Variants in ILK observed in about 807,000 individuals in gnomAD.
ILK encodes the protein scaffold protein ILK.
ILK carries 37 observed loss-of-function variants against 57.8 expected under a neutral mutation model. The ratio of observed to expected loss-of-function variants is 0.64; its 90% CI spans 0.49 to 0.84. The LOEUF (loss-of-function observed/expected upper bound fraction) is 0.84, where lower values mean the gene tolerates loss of function less well. Ranked by LOEUF, ILK falls within the 40% of genes least tolerant of loss-of-function variation. ILK has a pLI of 0.00. For synonymous variants in ILK, 231 were observed against 202.2 expected, an observed-to-expected ratio of 1.14 and a Z score of -1.21; for missense variants, 528 against 595.7, an observed-to-expected ratio of 0.89 and a Z score of 1.18.
At chr11:6,605,016 G>C in intron 2 of ILK, 1 of 407,090 alleles carries the variant, frequency 2.5e-6, no homozygotes, top group South Asian at 1.8e-5. Flanking sequence ...GGTGTGGGGA[G>C]TGAGTAAGGG....
intron 11 of ILK, 26 bp from the exon 12 acceptor site, chr11:6,610,122 A>G: frequency 6.2e-7 from 1 of 1,614,232 alleles, no homozygotes. Flanking sequence ...CAAGGGGGCC[A>G]GAACAGACAA....
intron 2 of ILK, chr11:6,607,438 C>T (rs2134546613): frequency 6.4e-6 from 1 of 156,850 alleles, no homozygotes; most frequent in South Asian, 1.8e-4. Flanking sequence ...AAGCATTTCT[C>T]CTTTTCAACA....
chr11:6,604,025 T>C (rs1212343191), intron 1 of ILK, 155 bp from the exon 2 acceptor site: 3 of 593,504 alleles, frequency 5.1e-6, no homozygotes, highest in Non-Finnish European at 9.0e-6. Flanking sequence ...CACTACCTCT[T>C]CGTCACCCCC....
At chr11:6,610,068 A>T in intron 11 of ILK, 33 bp downstream of exon 11, 1 of 1,613,990 alleles carries the variant, frequency 6.2e-7, no homozygotes, top group Non-Finnish European at 8.5e-7. Flanking sequence ...GAGGTAAAAA[A>T]GGACCACCTC....
In ILK at chr11:6,609,540, G is replaced by C. The variant is rs1855289433; in HGVS notation, c.757G>C (p.Val253Leu). The C allele has an allele frequency of 1.9e-6, 3 of 1,613,976 alleles. No homozygotes were observed. Among genetic ancestry groups the C allele is most frequent in the Non-Finnish European group, 2.5e-6 (3 of 1,180,016 alleles). Reference sequence around the variant, plus strand: ...TTTCTCGCATCCAAATGTGCTCCCAGTGCTAGGTGCCTGCCAGTCTCCACC... The same window carrying C: ...TTTCTCGCATCCAAATGTGCTCCCACTGCTAGGTGCCTGCCAGTCTCCACC... ...RIFSHPNVLP[V>L]LGACQSPPAP... Residue 253 changes from valine (V) to leucine (L), a missense_variant, in exon 9 of 13, where the codon GTG becomes CTG. Physicochemically the swap from Val to Leu is conservative, Grantham distance 32. Coordinates refer to ENST00000299421, the MANE Select transcript of ILK (RefSeq NM_004517.4).
rs895366229 is a variant in ILK, at chr11:6,609,652, G to T, written c.856+13G>T. The T allele has an allele frequency of 1.2e-6, 2 of 1,614,210 alleles. No individual in the cohort carries two copies. Among genetic ancestry groups the T allele is most frequent in the Non-Finnish European group, 1.7e-6 (2 of 1,180,038 alleles). On this transcript the variant is annotated intron_variant, in intron 9 of 12. Coordinates refer to ENST00000299421, the MANE Select transcript of ILK (RefSeq NM_004517.4). The stretch of plus-strand genomic sequence containing the variant: ...CATGAAGGCACCAGTGAGTAGGGAT[G>T]TTGAATTTCCTTGGGGAGGAAATGG...
intron 6 of ILK, 51 bp downstream of exon 6, chr11:6,609,018 T>A (rs914503411): frequency 1.2e-6 from 2 of 1,612,320 alleles, no homozygotes; most frequent in African/African-American, 2.7e-5. Flanking sequence ...AATCCTGGCC[T>A]CTTGGGGCTG....
In ILK at chr11:6,610,266, G is replaced by A. The variant is rs1057522211; in HGVS notation, c.1197G>A (p.Glu399=). The change falls in exon 12 of 13, where the codon GAG becomes GAA. Residue 399 remains glutamate (E), a synonymous_variant. Coordinates refer to ENST00000299421, the MANE Select transcript of ILK (RefSeq NM_004517.4). ...CCTTTGCTGACCTCTCCAATATGGA[G>A]ATTGGAATGAAGGTGAGAGCACAAC... is the stretch of plus-strand genomic sequence containing the variant. ...EVPFADLSNM[E]IGMKVALEGL... 4 of 1,614,202 alleles carry A rather than the reference G, an allele frequency of 2.5e-6. No homozygotes were observed. The Admixed American group carries it at 6.7e-5, about 27-fold the overall frequency.
rs1392625092 is a variant in ILK, at chr11:6,608,591, T to C, written c.351+102T>C. The stretch of plus-strand genomic sequence containing the variant: ...AACCCATTCTGTCAGTACTACTGTG[T>C]GACACTTACAGGATTAAGTTCTACA... On this transcript the variant is annotated intron_variant, in intron 4 of 12. Coordinates refer to ENST00000299421, the MANE Select transcript of ILK (RefSeq NM_004517.4). The surrounding 1 kb of genome is among the most constrained non-coding windows in gnomAD (Gnocchi z 4.9). 1.2e-5 allele frequency: 16 copies of C among 1,339,444 alleles called. No homozygotes were observed. The highest frequency in any genetic ancestry group is 1.6e-5 in the Non-Finnish European group (15 of 929,722). The allele number at this position is 1,339,444 out of a possible 1,614,324, so 83.0% of individuals were successfully genotyped here. A position where few individuals can be genotyped will look rare whatever the true frequency, so the allele number is the denominator to read the frequency against.
chr11:6,609,581 T>A lies in ILK; in HGVS notation c.798T>A (p.Thr266=). 1 of 1,614,140 alleles carries A rather than the reference T, an allele frequency of 6.2e-7. No individual in the cohort carries two copies. Among genetic ancestry groups the A allele is most frequent in the East Asian group, 2.2e-5 (1 of 44,882 alleles). ...AGTCTCCACCTGCTCCTCATCCTAC[T>A]CTCATCACACACTGGATGCCGTATG... The part of the protein sequence containing the change: ...ACQSPPAPHP[T]LITHWMPYGS... The change falls in exon 9 of 13, where the codon ACT becomes ACA. Residue 266 remains threonine, a synonymous_variant. Transcript: ENST00000299421.
At chr11:6,604,484 C>T in intron 2 of ILK, 124 bp downstream of exon 2, 1 of 840,190 alleles carries the variant, frequency 1.2e-6, no homozygotes, top group Non-Finnish European at 2.0e-6. Flanking sequence ...CTAAGCATAG[C>T]CTGTGGGGGG....
In ILK at chr11:6,604,250, G is replaced by A. The variant is rs1477951904; in HGVS notation, c.-22G>A. 2 of 1,605,388 alleles carry A rather than the reference G, an allele frequency of 1.2e-6. No homozygotes were observed. The highest frequency in any genetic ancestry group is 4.5e-5 in the East Asian group (2 of 44,658). Reference sequence around the variant, plus strand: ...GTCCTCAGGCTTCCCCAATCCAGGGGACTCGGCGCCGGGACGCTGCTATGG... The same window carrying A: ...GTCCTCAGGCTTCCCCAATCCAGGGAACTCGGCGCCGGGACGCTGCTATGG... On this transcript the variant is annotated 5_prime_UTR_variant, in exon 2 of 13. Coordinates refer to ENST00000299421, the MANE Select transcript of ILK (RefSeq NM_004517.4).
Position 6,608,916 on chromosome 11 carries a change from C to T in ILK, c.481C>T (p.Arg161Cys), listed in dbSNP as rs761400440. The T allele has an allele frequency of 6.8e-6, 11 of 1,614,206 alleles. No individual in the cohort carries two copies. In the East Asian group the frequency reaches 8.9e-5, roughly 13 times the overall value. The part of the protein sequence containing the change: ...RAEKMGQNLN[R>C]IPYKDTFWKG... ...AGAGAAGATGGGCCAGAATCTCAAC[C>T]GTATTCCATACAAGGACACATTCTG... Residue 161 changes from arginine to cysteine, a missense_variant, in exon 6 of 13, where the codon CGT (arginine) becomes TGT (cysteine). By Grantham distance (180) the Arg-to-Cys change is radical (BLOSUM62 -3). Coordinates refer to ENST00000299421, the MANE Select transcript of ILK (RefSeq NM_004517.4). This position sits in a 1 kb window ranked among gnomAD's most constrained non-coding sequence, Gnocchi z 4.9.
chr11:6,608,141 T>C lies in ILK; in HGVS notation c.185T>C (p.Val62Ala). ...ATCATGCGGGGGGCACGGATCAATGTAATGAACCGTGGGGATGACACCCCC... is the reference window on the plus strand; with the variant it reads ...ATCATGCGGGGGGCACGGATCAATGCAATGAACCGTGGGGATGACACCCCC... ...MLIMRGARIN[V>A]MNRGDDTPLH... The change falls in exon 3 of 13, where the codon GTA (valine) becomes GCA (alanine). Residue 62 changes from valine (V) to alanine (A), a missense_variant. Physicochemically the swap from Val to Ala is moderately conservative, Grantham distance 64. Coordinates refer to ENST00000299421, the MANE Select transcript of ILK (RefSeq NM_004517.4). This position sits in a 1 kb window ranked among gnomAD's most constrained non-coding sequence, Gnocchi z 4.9. The C allele has an allele frequency of 6.2e-7, 1 of 1,614,058 alleles. No homozygotes were observed. The highest frequency in any genetic ancestry group is 8.5e-7 in the Non-Finnish European group (1 of 1,179,934).
At position 6,608,123 on chromosome 11, in the gene ILK, G is replaced by A. The variant is rs141701406; in HGVS notation, c.167G>A (p.Arg56Gln). 6.2e-7 allele frequency: 1 copy of A among 1,614,064 alleles called. No homozygotes were observed. Among genetic ancestry groups the A allele is most frequent in the Non-Finnish European group, 8.5e-7 (1 of 1,179,950 alleles). The change falls in exon 3 of 13, where the codon CGG (arginine) becomes CAG (glutamine). Residue 56 changes from arginine (R) to glutamine (Q), a missense_variant. Coordinates refer to ENST00000299421, the MANE Select transcript of ILK (RefSeq NM_004517.4). The surrounding 1 kb of genome is among the most constrained non-coding windows in gnomAD (Gnocchi z 4.9). ...RSAVVEMLIM[R>Q]GARINVMNRG... ...GCTGTGGTTGAGATGTTGATCATGCGGGGGGCACGGATCAATGTAATGAAC... is the reference window on the plus strand; with the variant it reads ...GCTGTGGTTGAGATGTTGATCATGCAGGGGGCACGGATCAATGTAATGAAC...
At chr11:6,605,891 G>A (rs866224365) in intron 2 of ILK, among the ~76,000 whole-genome samples, 6 of 152,330 alleles carry the variant, frequency 3.9e-5, no homozygotes, top group South Asian at 4.1e-4. Flanking sequence ...AGATTGAAAA[G>A]TAGGCCGGGC....
chr11:6,610,102 A>ACAGGACAGGCAAGGGGGC (rs759504818), intron 11 of ILK, 46 bp from the exon 12 acceptor site: 21 of 1,611,492 alleles, frequency 1.3e-5, no homozygotes, highest in African/African-American at 1.1e-4. Context: ...GGGGGCAGAG[A>ACAGGACAGGCAAGGGGGC]CAGGACAGGC....
In ILK at chr11:6,610,292, A is replaced by G. The variant is rs773987577; in HGVS notation, c.1209+14A>G. ...ATTGGAATGAAGGTGAGAGCACAAC[A>G]GCATACATTTGTGTTGCGGGAGTGG... On this transcript the variant is annotated intron_variant, in intron 12 of 12. Transcript: ENST00000299421. 6.2e-7 allele frequency: 1 copy of G among 1,614,154 alleles called. No individual in the cohort carries two copies. The highest frequency in any genetic ancestry group is 8.5e-7 in the Non-Finnish European group (1 of 1,180,050).
In ILK at chr11:6,608,305, T is replaced by TC; in HGVS notation, c.256-84dup. ...ATACAGTAGAAAGCATGTGTGCTCTTCCCCCTTTTCCCATGCCCTGACACC... is the reference window on the plus strand; with the variant it reads ...ATACAGTAGAAAGCATGTGTGCTCTTCCCCCCTTTTCCCATGCCCTGACACC... On this transcript the variant is annotated intron_variant, in intron 3 of 12. Coordinates refer to ENST00000299421, the MANE Select transcript of ILK (RefSeq NM_004517.4). The surrounding 1 kb of genome is among the most constrained non-coding windows in gnomAD (Gnocchi z 4.9). The TC allele has an allele frequency of 6.4e-7, 1 of 1,558,886 alleles. No individual in the cohort carries two copies.
Sources: allele counts gnomAD v4.1 joint callset (sites outside exome capture counted in the v4.1 genomes callset), GRCh38; gene constraint gnomAD v4.1.1; non-coding constraint Gnocchi (gnomAD v3.1); transcripts MANE v1.5; gene names NCBI Gene and HGNC (gene_info 2026-07-23, HGNC 2026-07-21).